Variants in ROBO2 observed in about 807,000 individuals in gnomAD.
The protein encoded by ROBO2 is roundabout homolog 2.
Under a neutral mutation model 160.8 loss-of-function variants are expected in ROBO2, and 53 were observed. That is an observed-to-expected ratio of 0.33 (90% CI 0.26 to 0.41). The LOEUF (loss-of-function observed/expected upper bound fraction) is 0.41, where lower values mean the gene tolerates loss of function less well. ROBO2 is among the 10% of genes least tolerant of loss of function. The probability of loss-of-function intolerance (pLI) is 1.00; values close to 1 mark genes in which losing one functional copy is unlikely to be tolerated. For missense variants in ROBO2, 1,577 were observed against 1,722.4 expected (o/e 0.92, Z 1.49); for synonymous variants, 664 against 611.7 (o/e 1.09, Z -1.26).
chr3:77,045,904 C>T (rs577657205), intron 1 of ROBO2, among the ~76,000 whole-genome samples: 10 of 152,226 alleles, frequency 6.6e-5, no homozygotes, highest in Middle Eastern at 3.4e-3. Flanking sequence ...TTTTCTTTAG[C>T]GTAATGTTTT....
rs182830071 is a variant in ROBO2 at position 77,347,499 on chromosome 3, A to T, written c.389-129915A>T. ...CTGCCAGAAAAAAATAGAAGAATCT[A>T]TAGTGTGTCATATCTCCCCTTATCT... is the stretch of plus-strand genomic sequence containing the variant. On this transcript the variant is annotated intron_variant, in intron 2 of 25. Transcript: ENST00000461745. 2.0e-3 allele frequency among the ~76,000 whole-genome samples: 299 copies of T among 152,124 alleles called. 2 individuals are homozygous for T. The highest frequency in any genetic ancestry group is 3.7e-3 in the South Asian group (18 of 4,820).
At chr3:76,836,436 G>GTT (rs11321260) in intron 2 of ROBO2, among the ~76,000 whole-genome samples, 3 of 136,876 alleles carry the variant, frequency 2.2e-5, no homozygotes, top group African/African-American at 8.0e-5. Context: ...TAATTTTTTT[G>GTT]TTTTTTTTTT....
At chr3:76,644,131 A>G (rs1029595679) in intron 2 of ROBO2, among the ~76,000 whole-genome samples, 4 of 152,192 alleles carry the variant, frequency 2.6e-5, no homozygotes, top group Non-Finnish European at 5.9e-5. Flanking sequence ...ATTAAGGTCA[A>G]TAAGGGCAGG....
At chr3:77,026,221 G>C (rs1009483444) in intron 2 of ROBO2, among the ~76,000 whole-genome samples, 2 of 152,250 alleles carry the variant, frequency 1.3e-5, no homozygotes, top group Admixed American at 1.3e-4. Flanking sequence ...TTTGACCTTT[G>C]TGATATACGT....
intron 2 of ROBO2, among the ~76,000 whole-genome samples, chr3:76,008,683 A>G (rs2066102524): frequency 6.6e-6 from 1 of 152,140 alleles, no homozygotes; most frequent in Admixed American, 6.5e-5. Flanking sequence ...TACCTATTGT[A>G]AGAAGTTAGA....
chr3:77,236,451 A>G (rs762080312), intron 2 of ROBO2, among the ~76,000 whole-genome samples: 1 of 152,168 alleles, frequency 6.6e-6, no homozygotes, highest in Non-Finnish European at 1.5e-5. Flanking sequence ...ACGCATGTCC[A>G]ACTCTCGCTT....
chr3:76,923,459 G>C (rs1286111118), intron 2 of ROBO2, among the ~76,000 whole-genome samples: 1 of 152,204 alleles, frequency 6.6e-6, no homozygotes, highest in Admixed American at 6.5e-5. Context: ...ATGTGTATAT[G>C]ATTGTTATTA....
rs1158981160 is a variant in ROBO2 at position 77,293,003 on chromosome 3, A to T, written c.389-184411A>T. On this transcript the variant is annotated intron_variant, in intron 2 of 25. Transcript: ENST00000461745. ...AGTAAAATTGACGGTTAAACGGGTA[A>T]GCTGAGGCTAGATCACCAAAGACAT... is the stretch of plus-strand genomic sequence containing the variant. Among the ~76,000 whole-genome samples, 3 of 151,704 alleles carry T rather than the reference A, an allele frequency of 2.0e-5. No homozygotes were observed. In the East Asian group the frequency reaches 5.8e-4, roughly 30 times the overall value.
intron 2 of ROBO2, among the ~76,000 whole-genome samples, chr3:77,203,545 A>G (rs546757314): frequency 2.0e-5 from 3 of 152,352 alleles, no homozygotes; most frequent in East Asian, 3.9e-4. Context: ...TCAGTTTTAC[A>G]GTGTTTGAAT....
rs148613076 is a variant in ROBO2, at chr3:77,133,026, C to T, written c.388+34686C>T. 3.5e-4 allele frequency among the ~76,000 whole-genome samples: 53 copies of T among 152,172 alleles called. 1 individual carries two copies. The East Asian group carries it at 7.4e-3, about 21-fold the overall frequency. On this transcript the variant is annotated intron_variant, in intron 2 of 25. Coordinates refer to ENST00000461745, the Ensembl canonical transcript of ROBO2. ...TAAATGCTCCATGTACAGTTAGCTA[C>T]GAATAGGAGCATCTAAATAACTTTT...
chr3:77,018,996 C>A (rs2062455998), intron 2 of ROBO2, among the ~76,000 whole-genome samples: 1 of 152,136 alleles, frequency 6.6e-6, no homozygotes, highest in African/African-American at 2.4e-5. Flanking sequence ...CAAGTACATC[C>A]CCGCTCAAGT....
intron 2 of ROBO2, among the ~76,000 whole-genome samples, chr3:76,210,454 T>C (rs374739729): frequency 6.6e-6 from 1 of 152,078 alleles, no homozygotes; most frequent in African/African-American, 2.4e-5. Flanking sequence ...TAAGAAACTT[T>C]AGGATATAAT....
At chr3:76,411,280 C>T (rs998821643) in intron 2 of ROBO2, among the ~76,000 whole-genome samples, 25 of 151,558 alleles carry the variant, frequency 1.6e-4, no homozygotes, top group Admixed American at 3.9e-4. Flanking sequence ...TGTACCAAGA[C>T]GAGTAAGACA....
chr3:77,040,298 G>C, exon 1 of ROBO2: 1 of 994,296 alleles, frequency 1.0e-6, no homozygotes. Context: ...AACTCCGGAC[G>C]TGGAGCTGCT....
At position 76,255,740 on chromosome 3, in the gene ROBO2, A is replaced by G. The variant is rs150034607; in HGVS notation, c.109+318138A>G. On this transcript the variant is annotated intron_variant, in intron 2 of 26. Coordinates refer to the ROBO2 transcript ENST00000487694. Reference sequence around the variant, plus strand: ...CTATTTTACTCTTTCTCTCGGTTTTATAAGATATTTAAAGATGCCTGTTGT... The same window carrying G: ...CTATTTTACTCTTTCTCTCGGTTTTGTAAGATATTTAAAGATGCCTGTTGT... Among the ~76,000 whole-genome samples the G allele has an allele frequency of 4.3e-3, 659 of 152,242 alleles. 1 individual carries two copies. The highest frequency in any genetic ancestry group is 6.6e-3 in the Non-Finnish European group (451 of 67,986).
At chr3:77,493,914 T>A (rs1429116277) in intron 5 of ROBO2, among the ~76,000 whole-genome samples, 2 of 152,208 alleles carry the variant, frequency 1.3e-5, no homozygotes. Context: ...AGAGACCTTC[T>A]GTCACTTTCT....
chr3:77,021,138 T>C (rs1231708392), intron 2 of ROBO2, among the ~76,000 whole-genome samples: 13 of 151,924 alleles, frequency 8.6e-5, no homozygotes, highest in Admixed American at 8.5e-4. Context: ...GAGGTCGAGG[T>C]TGCAGTGAGC....
intron 2 of ROBO2, among the ~76,000 whole-genome samples, chr3:76,431,281 A>G (rs1200873492): frequency 6.6e-6 from 1 of 152,152 alleles, no homozygotes; most frequent in African/African-American, 2.4e-5. Context: ...AACCCTTAGT[A>G]ATTAGATATT....
At chr3:77,125,217 A>C (rs940598454) in intron 2 of ROBO2, among the ~76,000 whole-genome samples, 1 of 152,164 alleles carries the variant, frequency 6.6e-6, no homozygotes. Flanking sequence ...TATTAACTAT[A>C]ATAGTTGTGG....
Sources: gnomAD v4.1 joint callset for allele counts (sites outside exome capture counted in the v4.1 genomes callset) on GRCh38, gnomAD v4.1.1 for gene constraint, MANE v1.5 for transcripts, NCBI Gene and HGNC (gene_info 2026-07-23, HGNC 2026-07-21) for gene names.